LY96: variants seen among roughly 807,000 people sequenced by gnomAD.
LY96 encodes the protein lymphocyte antigen 96.
In LY96, 18 loss-of-function variants were observed where a neutral mutation model predicts 18.9. That is an observed-to-expected ratio of 0.95 (90% CI 0.66 to 1.41). The LOEUF (loss-of-function observed/expected upper bound fraction) is 1.41, where lower values mean the gene tolerates loss of function less well. LY96 is among the 40% of genes most tolerant of loss of function. The pLI, the probability that LY96 is intolerant of heterozygous loss-of-function variation, is 0.00. For missense variants in LY96, 175 were observed against 182.4 expected, an observed-to-expected ratio of 0.96 and a Z score of 0.23; for synonymous variants, 66 against 62.6, an observed-to-expected ratio of 1.06 and a Z score of -0.26.
chr8:74,000,533 C>T (rs1051144270), intron 1 of LY96, among the ~76,000 whole-genome samples: 8 of 152,118 alleles, frequency 5.3e-5, no homozygotes, highest in Admixed American at 2.6e-4. Flanking sequence ...CTTCTGAGCC[C>T]GCATCAGAAT....
the LY96 span, among the ~76,000 whole-genome samples, chr8:74,078,939 CT>C: frequency 6.6e-6 from 1 of 152,144 alleles, no homozygotes; most frequent in Non-Finnish European, 1.5e-5. Context: ...CACTTATCTG[CT>C]CATTTGTAGT....
chr8:74,066,026 G>A, the LY96 span, among the ~76,000 whole-genome samples: 1 of 152,130 alleles, frequency 6.6e-6, no homozygotes, highest in African/African-American at 2.4e-5. Flanking sequence ...TGAGGGAAGG[G>A]TACCATCTTA....
intron 1 of LY96, 141 bp downstream of exon 1, chr8:73,991,695 A>G (rs937878998): frequency 3.1e-6 from 2 of 637,116 alleles, no homozygotes; most frequent in African/African-American, 3.7e-5. Context: ...CCAGCAGGAA[A>G]AGCAATAGCT....
At chr8:74,089,707 T>A in the LY96 span, among the ~76,000 whole-genome samples, 1 of 126,750 alleles carries the variant, frequency 7.9e-6, no homozygotes, top group African/African-American at 3.1e-5. Flanking sequence ...GGCGAGTGCC[T>A]GCAGATAGTA....
chr8:74,031,937 A>G (rs1343391489), downstream of LY96, among the ~76,000 whole-genome samples: 2 of 152,056 alleles, frequency 1.3e-5, no homozygotes, highest in Non-Finnish European at 2.9e-5. Flanking sequence ...TAGCCTGGCC[A>G]AGACGGTGAA....
the LY96 span, among the ~76,000 whole-genome samples, chr8:74,047,722 T>G: frequency 6.6e-6 from 1 of 152,150 alleles, no homozygotes; most frequent in African/African-American, 2.4e-5. Context: ...TAATAATACT[T>G]ACCACCTCAG....
At chr8:74,089,522 C>G in the LY96 span, among the ~76,000 whole-genome samples, 1 of 152,164 alleles carries the variant, frequency 6.6e-6, no homozygotes, top group Non-Finnish European at 1.5e-5. Flanking sequence ...TCACTGCCCT[C>G]GGGAACCAGG....
chr8:74,044,388 A>G, the LY96 span, among the ~76,000 whole-genome samples: 39,379 of 151,672 alleles, frequency 0.26, 6,231 homozygotes, highest in African/African-American at 0.45. Flanking sequence ...ATGGGGTCTT[A>G]ATAAGTTTCC....
chr8:74,025,778 C>T (rs756468918), intron 3 of LY96, among the ~76,000 whole-genome samples: 10 of 152,050 alleles, frequency 6.6e-5, no homozygotes, highest in East Asian at 1.9e-4. Flanking sequence ...AAGGCCAAGG[C>T]GGGCAGATCG....
At chr8:74,010,218 T>C in intron 3 of LY96, 89 bp downstream of exon 3, 1 of 1,246,126 alleles carries the variant, frequency 8.0e-7, no homozygotes, top group Non-Finnish European at 1.2e-6. Context: ...AATGGGAAGT[T>C]CCTTTTCTGC....
At chr8:74,082,536 T>C in the LY96 span, among the ~76,000 whole-genome samples, 653 of 152,272 alleles carry the variant, frequency 4.3e-3, 3 homozygotes, top group South Asian at 0.017. Context: ...TGTATTGTTA[T>C]TTAAAAAAAC....
chr8:74,000,313 C>T lies in LY96; in HGVS notation c.113-4483C>T, dbSNP rs181597137. On this transcript the variant is annotated intron_variant, in intron 1 of 4. Transcript: ENST00000284818. Reference sequence around the variant, plus strand: ...TTGCTCTTAAGTTCCATTTTTCACACAGTTTTAGGGAACAGACACAAGTCC... The same window carrying T: ...TTGCTCTTAAGTTCCATTTTTCACATAGTTTTAGGGAACAGACACAAGTCC... Among the ~76,000 whole-genome samples, 79 of 124,620 alleles carry T rather than the reference C, an allele frequency of 6.3e-4. 1 individual carries two copies. The highest frequency in any genetic ancestry group is 2.2e-3 in the Admixed American group (27 of 12,472). 81.8% of individuals were successfully genotyped at this position (124,620 alleles called of 152,430 possible). A position where few individuals can be genotyped will look rare whatever the true frequency, so the allele number is the denominator to read the frequency against.
chr8:74,081,000 T>C, the LY96 span, among the ~76,000 whole-genome samples: 3 of 115,686 alleles, frequency 2.6e-5, no homozygotes, highest in East Asian at 4.8e-4. Context: ...CTTTCTTTCT[T>C]TCTTTCTTTC....
chr8:74,009,685 G>T (rs1816489574), intron 2 of LY96, among the ~76,000 whole-genome samples: 1 of 152,028 alleles, frequency 6.6e-6, no homozygotes, highest in African/African-American at 2.4e-5. Context: ...CAGAACCATA[G>T]AACTAGACAT....
chr8:74,081,913 G>A, the LY96 span, among the ~76,000 whole-genome samples: 3 of 152,288 alleles, frequency 2.0e-5, no homozygotes, highest in South Asian at 4.2e-4. Flanking sequence ...TGCGATTACA[G>A]GCGTGAGCCA....
At chr8:74,018,163 C>A (rs1055317153) in intron 3 of LY96, among the ~76,000 whole-genome samples, 5 of 151,748 alleles carry the variant, frequency 3.3e-5, no homozygotes, top group Middle Eastern at 3.4e-3. Flanking sequence ...ACCCATCTCA[C>A]ATGCAGAGAC....
chr8:74,065,417 G>A, the LY96 span, among the ~76,000 whole-genome samples: 1 of 152,178 alleles, frequency 6.6e-6, no homozygotes, highest in African/African-American at 2.4e-5. Context: ...TTTCTTGTAG[G>A]TGTGTACATG....
chr8:74,008,646 G>C (rs966212369), intron 2 of LY96, among the ~76,000 whole-genome samples: 1 of 152,020 alleles, frequency 6.6e-6, no homozygotes, highest in Non-Finnish European at 1.5e-5. Context: ...TGGTGATGAA[G>C]AGGAGGAAAT....
intron 4 of LY96, among the ~76,000 whole-genome samples, chr8:74,028,058 C>T (rs2131286943): frequency 6.6e-6 from 1 of 152,294 alleles, no homozygotes; most frequent in South Asian, 2.1e-4. Context: ...TTAAGAAAGC[C>T]TTAAAGGAAG....
Sources: allele counts gnomAD v4.1 joint callset (sites outside exome capture counted in the v4.1 genomes callset), GRCh38; gene constraint gnomAD v4.1.1; transcripts MANE v1.5; gene names NCBI Gene and HGNC (gene_info 2026-07-23, HGNC 2026-07-21).